Variants in ABCC1 observed in about 807,000 individuals in gnomAD.
The protein encoded by ABCC1 is multidrug resistance-associated protein 1.
ABCC1 carries 83 observed loss-of-function variants against 172.9 expected under a neutral mutation model. The observed-to-expected ratio is 0.48, with a 90% CI of 0.40 to 0.58. The LOEUF (loss-of-function observed/expected upper bound fraction) is 0.58. Ranked by LOEUF, ABCC1 falls within the 20% of genes least tolerant of loss-of-function variation. ABCC1 has a pLI of 0.00. For synonymous variants in ABCC1, 937 were observed against 825.2 expected (o/e 1.14, Z -2.32); for missense variants, 1,817 against 2,002.7 (o/e 0.91, Z 1.77).
chr16:16,136,294 G>T (rs2045914976), intron 28 of ABCC1, among the ~76,000 whole-genome samples, 184 bp from the exon 29 acceptor site: 1 of 152,076 alleles, frequency 6.6e-6, no homozygotes, highest in Non-Finnish European at 1.5e-5. Context: ...AAAGTGCTGG[G>T]ATTACAGGCG....
At chr16:16,078,106 C>A (rs1185808214) in intron 15 of ABCC1, among the ~76,000 whole-genome samples, 1 of 152,146 alleles carries the variant, frequency 6.6e-6, no homozygotes, top group Non-Finnish European at 1.5e-5. Context: ...TTCAGTGAGC[C>A]AAGATTGAGC....
At chr16:16,111,999 T>C (rs906650342) in intron 22 of ABCC1, among the ~76,000 whole-genome samples, 5 of 152,302 alleles carry the variant, frequency 3.3e-5, no homozygotes, top group Admixed American at 3.3e-4. Context: ...ATGGGCAGTG[T>C]TGTCCCTCAG....
intron 1 of ABCC1, among the ~76,000 whole-genome samples, chr16:16,001,566 A>AT (rs1331495191): frequency 6.6e-6 from 1 of 152,198 alleles, no homozygotes; most frequent in Non-Finnish European, 1.5e-5. Flanking sequence ...AGAGAAGGCC[A>AT]TTAGATCTGC....
At chr16:16,069,673 G>A (rs918580600) in intron 13 of ABCC1, among the ~76,000 whole-genome samples, 1 of 151,842 alleles carries the variant, frequency 6.6e-6, no homozygotes, top group Non-Finnish European at 1.5e-5. Flanking sequence ...AAAATGTCAA[G>A]TGTACACAGA....
intron 20 of ABCC1, 149 bp downstream of exon 20, chr16:16,102,866 T>A: frequency 1.4e-6 from 1 of 736,584 alleles, no homozygotes; most frequent in East Asian, 2.7e-5. Flanking sequence ...GACCTTGCTT[T>A]TCAGAGTACA....
At chr16:16,097,832 A>C (rs965208956) in intron 19 of ABCC1, among the ~76,000 whole-genome samples, 2 of 152,116 alleles carry the variant, frequency 1.3e-5, no homozygotes, top group African/African-American at 2.4e-5. Flanking sequence ...GGTGCCCCCC[A>C]CGTTGAGTTG....
chr16:16,126,020 C>T, intron 26 of ABCC1, 109 bp downstream of exon 26: 1 of 684,516 alleles, frequency 1.5e-6, no homozygotes, highest in Non-Finnish European at 2.4e-6. Context: ...GATACCTCAC[C>T]AGGTAGAAGT....
chr16:16,040,639 T>C (rs893802720), intron 7 of ABCC1, among the ~76,000 whole-genome samples: 1 of 152,016 alleles, frequency 6.6e-6, no homozygotes, highest in Non-Finnish European at 1.5e-5. Flanking sequence ...TTAGGGTACA[T>C]GTGCACAATG....
Position 16,122,711 on chromosome 16 carries a change from TAAAAAAA to T in ABCC1, c.3590+554_3590+560del, listed in dbSNP as rs34383577. Among the ~76,000 whole-genome samples, 22 of 116,248 alleles carry T rather than the reference TAAAAAAA, an allele frequency of 1.9e-4. No homozygotes were observed. The East Asian group carries it at 5.1e-3, about 27-fold the overall frequency. The allele number at this position is 116,248 out of a possible 152,430, so 76.3% of individuals were successfully genotyped here. On this transcript the variant is annotated intron_variant, in intron 24 of 30. Coordinates refer to ENST00000399410, the MANE Select transcript of ABCC1 (RefSeq NM_004996.4). ...AACATAGCAAGACCCCCATCTCTCT[TAAAAAAA>T]AAAAAAAAAAAAAAAAGTAGCCCAT...
chr16:16,090,560 A>G lies in ABCC1; in HGVS notation c.2616A>G (p.Thr872=), dbSNP rs988812233. The stretch of plus-strand genomic sequence containing the variant: ...AGTTCCTGCGTACCTATGCCAGCAC[A>G]GAGCAGGAGCAGGATGCAGAGGAGA... ...FAEFLRTYAS[T]EQEQDAEENG... The change falls in exon 19 of 31, where the codon ACA becomes ACG. Residue 872 remains threonine, a synonymous_variant. Coordinates refer to ENST00000399410, the MANE Select transcript of ABCC1 (RefSeq NM_004996.4). The G allele has an allele frequency of 1.3e-5, 21 of 1,610,770 alleles. No individual in the cohort carries two copies. Among genetic ancestry groups the G allele is most frequent in the Non-Finnish European group, 1.8e-5 (21 of 1,177,894 alleles).
At chr16:16,137,242 C>T (rs1190745518) in intron 29 of ABCC1, among the ~76,000 whole-genome samples, 1 of 152,066 alleles carries the variant, frequency 6.6e-6, no homozygotes, top group African/African-American at 2.4e-5. Flanking sequence ...CGGCTGGGCT[C>T]ACATGCATGT....
At chr16:16,120,090 C>T (rs1223499788) in intron 23 of ABCC1, among the ~76,000 whole-genome samples, 2 of 152,074 alleles carry the variant, frequency 1.3e-5, no homozygotes, top group African/African-American at 4.8e-5. Context: ...AATTAACGCC[C>T]GTGCCGCCAC....
chr16:15,994,828 A>AT (rs963609593), intron 1 of ABCC1, among the ~76,000 whole-genome samples: 31 of 149,370 alleles, frequency 2.1e-4, no homozygotes, highest in African/African-American at 6.9e-4. Context: ...CAGTGGTGTG[A>AT]TTTTGACTCA....
chr16:15,963,667 G>A (rs2046185537), intron 1 of ABCC1, among the ~76,000 whole-genome samples: 1 of 152,170 alleles, frequency 6.6e-6, no homozygotes, highest in South Asian at 2.1e-4. Context: ...CCTGAGCTGT[G>A]TACCTTGGCT....
chr16:16,134,821 T>C (rs1193115775), intron 28 of ABCC1, among the ~76,000 whole-genome samples: 1 of 152,074 alleles, frequency 6.6e-6, no homozygotes, highest in Non-Finnish European at 1.5e-5. Context: ...TTGTACTTTT[T>C]TGTGGAGATG....
intron 22 of ABCC1, 132 bp from the exon 23 acceptor site, chr16:16,114,634 C>G: frequency 2.2e-6 from 2 of 903,612 alleles, no homozygotes; most frequent in East Asian, 2.7e-5. Context: ...AGCCACCATG[C>G]CTGGTTCATC....
Position 16,055,007 on chromosome 16 carries a change from TTGGCTTGTGGCCAG to T in ABCC1, c.1474-1084_1474-1071del, listed in dbSNP as rs773524073. On this transcript the variant is annotated intron_variant, in intron 11 of 30. Transcript: ENST00000399410. ...CTCTTTGGGAGCCTGAGGCAGGAGG[TTGGCTTGTGGCCAG>T]GAGTGCAAGACCAGCCTGAGCAACA... Among the ~76,000 whole-genome samples, 28 of 151,990 alleles carry T rather than the reference TTGGCTTGTGGCCAG, an allele frequency of 1.8e-4. No homozygotes were observed. The South Asian group carries it at 5.8e-3, about 32-fold the overall frequency.
intron 8 of ABCC1, among the ~76,000 whole-genome samples, chr16:16,045,570 G>A (rs1237527023): frequency 6.6e-6 from 1 of 152,044 alleles, no homozygotes; most frequent in East Asian, 1.9e-4. Flanking sequence ...TGTTCCCTAT[G>A]CAATTCCTTT....
chr16:16,001,555 G>C (rs1264808400), intron 1 of ABCC1, among the ~76,000 whole-genome samples: 1 of 152,124 alleles, frequency 6.6e-6, no homozygotes, highest in Non-Finnish European at 1.5e-5. Context: ...CCCAGCAGAA[G>C]AGAGAAGGCC....
Sources: gnomAD v4.1 joint callset for allele counts (sites outside exome capture counted in the v4.1 genomes callset) on GRCh38, gnomAD v4.1.1 for gene constraint, MANE v1.5 for transcripts, NCBI Gene and HGNC (gene_info 2026-07-23, HGNC 2026-07-21) for gene names.